The following UVRAG variants were observed in gnomAD, a reference collection of about 807,000 sequenced individuals.
UVRAG encodes UV radiation resistance associated.
UVRAG carries 19 observed loss-of-function variants against 78.0 expected under a neutral mutation model. The ratio of observed to expected loss-of-function variants is 0.24; its 90% CI spans 0.17 to 0.36. The LOEUF (loss-of-function observed/expected upper bound fraction) is 0.36, where lower values mean the gene tolerates loss of function less well. UVRAG is among the 10% of genes least tolerant of loss of function. The probability of loss-of-function intolerance (pLI) is 1.00; values close to 1 mark genes in which losing one functional copy is unlikely to be tolerated. For missense variants in UVRAG, 740 were observed against 853.8 expected (o/e 0.87, Z 1.66); for synonymous variants, 323 against 324.6 (o/e 1.00, Z 0.05).
chr11:76,017,060 TA>T, intron 12 of UVRAG, 80 bp downstream of exon 12: 1 of 1,066,420 alleles, frequency 9.4e-7, no homozygotes, highest in Admixed American at 3.1e-5. Flanking sequence ...ACATAAAATG[TA>T]ATCTAAATTA....
intron 8 of UVRAG, among the ~76,000 whole-genome samples, chr11:75,989,509 T>A (rs1467792131): frequency 1.3e-5 from 2 of 152,224 alleles, no homozygotes; most frequent in Admixed American, 6.5e-5. Flanking sequence ...TGAAAACTGT[T>A]GTTACATATA....
chr11:76,112,416 T>C (rs1478079423), intron 13 of UVRAG, among the ~76,000 whole-genome samples: 1 of 152,190 alleles, frequency 6.6e-6, no homozygotes, highest in Admixed American at 6.5e-5. Context: ...TTACCTCCCA[T>C]GCTATCCTTT....
At chr11:75,868,801 C>T (rs1214484682) in intron 3 of UVRAG, among the ~76,000 whole-genome samples, 4 of 152,186 alleles carry the variant, frequency 2.6e-5, no homozygotes, top group African/African-American at 9.7e-5. Flanking sequence ...CTGCCTTTAA[C>T]AGTTACAAAG....
chr11:76,071,183 A>T (rs1011106745), intron 13 of UVRAG, among the ~76,000 whole-genome samples: 22 of 152,216 alleles, frequency 1.4e-4, no homozygotes, highest in African/African-American at 5.3e-4. Context: ...GATATAATAG[A>T]AAATAAGTGG....
chr11:75,965,369 T>C (rs1038663081), intron 7 of UVRAG, among the ~76,000 whole-genome samples: 2 of 152,220 alleles, frequency 1.3e-5, no homozygotes, highest in African/African-American at 4.8e-5. Flanking sequence ...TAGAGTGCAG[T>C]GGCGCGATCT....
At chr11:76,015,333 C>G (rs1266456270) in intron 11 of UVRAG, among the ~76,000 whole-genome samples, 1 of 152,024 alleles carries the variant, frequency 6.6e-6, no homozygotes, top group Non-Finnish European at 1.5e-5. Context: ...GAGACCTCAT[C>G]TTTTTTTAAA....
chr11:75,866,395 T>TAAAAC, intron 3 of UVRAG, among the ~76,000 whole-genome samples: 1 of 151,544 alleles, frequency 6.6e-6, no homozygotes, highest in African/African-American at 2.4e-5. Flanking sequence ...TAAAATAAAA[T>TAAAAC]AATTAGCTGG....
chr11:76,037,539 CAAA>C (rs61354759), intron 12 of UVRAG, among the ~76,000 whole-genome samples: 1 of 48,520 alleles, frequency 2.1e-5, no homozygotes. Flanking sequence ...TTTGTCTTTA[CAAA>C]AAAAAAAAAA....
chr11:76,105,234 G>C (rs368524680), intron 13 of UVRAG, among the ~76,000 whole-genome samples: 3 of 152,116 alleles, frequency 2.0e-5, no homozygotes, highest in African/African-American at 7.2e-5. Context: ...CCAAACCCCT[G>C]TTTCTACTAA....
intron 3 of UVRAG, among the ~76,000 whole-genome samples, chr11:75,875,488 T>C (rs1367043794): frequency 6.6e-6 from 1 of 151,726 alleles, no homozygotes; most frequent in Non-Finnish European, 1.5e-5. Flanking sequence ...TTTTTTTTAA[T>C]CAGTCTAGGA....
In UVRAG at chr11:75,815,426, G is replaced by T; in HGVS notation, c.19G>T (p.Val7Phe). The T allele has an allele frequency of 8.0e-7, 1 of 1,248,232 alleles. No individual in the cohort carries two copies. Among genetic ancestry groups the T allele is most frequent in the Non-Finnish European group, 1.0e-6 (1 of 995,310 alleles). 77.3% of individuals were successfully genotyped at this position (1,248,232 alleles called of 1,614,324 possible). The change falls in exon 1 of 15, where the codon GTC becomes TTC. Residue 7 changes from valine to phenylalanine, a missense_variant. By Grantham distance (50) the Val-to-Phe change is conservative. Coordinates refer to ENST00000356136, the MANE Select transcript of UVRAG (RefSeq NM_003369.4). ...GATCGAGATGAGCGCCTCCGCGTCG[G>T]TCGGGGGCCCCGTCCCCCAGCCACC... MSASASVGGPVPQPPPG... is the reference protein window; with the variant it reads MSASASFGGPVPQPPPG...
intron 3 of UVRAG, among the ~76,000 whole-genome samples, chr11:75,876,994 G>GGCCTTCC (rs1258003957): frequency 6.6e-6 from 1 of 151,096 alleles, no homozygotes; most frequent in Non-Finnish European, 1.5e-5. Context: ...AGGACCCTGC[G>GGCCTTCC]GCCTTCCGCA....
At chr11:75,987,715 C>T (rs1176288981) in intron 8 of UVRAG, among the ~76,000 whole-genome samples, 2 of 151,556 alleles carry the variant, frequency 1.3e-5, no homozygotes, top group South Asian at 2.1e-4. Context: ...GCATCCTTTA[C>T]CCATTTTGTC....
intron 6 of UVRAG, among the ~76,000 whole-genome samples, chr11:75,937,254 G>A (rs1948391090): frequency 6.6e-6 from 1 of 152,090 alleles, no homozygotes; most frequent in Non-Finnish European, 1.5e-5. Context: ...TGTAATCCCA[G>A]ATGAACCTGA....
chr11:75,999,896 G>GA (rs367997359), intron 8 of UVRAG, among the ~76,000 whole-genome samples: 3 of 151,820 alleles, frequency 2.0e-5, no homozygotes, highest in East Asian at 1.9e-4. Flanking sequence ...TCCAAAATCT[G>GA]AAAAAAAATT....
At chr11:75,893,659 A>G (rs1947272789) in intron 5 of UVRAG, among the ~76,000 whole-genome samples, 1 of 139,220 alleles carries the variant, frequency 7.2e-6, no homozygotes, top group African/African-American at 2.7e-5. Context: ...ATAATGAAAT[A>G]CTATCTCTAC....
chr11:76,137,001 C>CAAG (rs1176758834), intron 14 of UVRAG, among the ~76,000 whole-genome samples: 23 of 152,006 alleles, frequency 1.5e-4, no homozygotes, highest in Admixed American at 7.2e-4. Flanking sequence ...TTTGATACTT[C>CAAG]AACTGTTTGG....
chr11:76,071,461 C>T (rs1168005017), intron 13 of UVRAG, among the ~76,000 whole-genome samples: 1 of 152,140 alleles, frequency 6.6e-6, no homozygotes, highest in Non-Finnish European at 1.5e-5. Flanking sequence ...TCAGAGACCA[C>T]AGCAGAGTTT....
intron 13 of UVRAG, among the ~76,000 whole-genome samples, chr11:76,088,138 G>A (rs1170059274): frequency 6.6e-6 from 1 of 152,166 alleles, no homozygotes; most frequent in Non-Finnish European, 1.5e-5. Flanking sequence ...ATGGGCTCAA[G>A]CGATAGTGAT....
Sources: allele counts gnomAD v4.1 joint callset (sites outside exome capture counted in the v4.1 genomes callset), GRCh38; gene constraint gnomAD v4.1.1; transcripts MANE v1.5; gene names NCBI Gene and HGNC (gene_info 2026-07-23, HGNC 2026-07-21).